FBXO42: variants seen among roughly 807,000 people sequenced by gnomAD.
FBXO42 encodes the protein F-box only protein 42.
FBXO42 carries 12 observed loss-of-function variants against 71.7 expected under a neutral mutation model. That is an observed-to-expected ratio of 0.17 (90% CI 0.11 to 0.27). FBXO42 has a LOEUF of 0.27. Ranked by LOEUF, FBXO42 falls within the 10% of genes least tolerant of loss-of-function variation. FBXO42 has a pLI of 1.00. For missense variants in FBXO42, 707 were observed against 911.9 expected, an observed-to-expected ratio of 0.78 and a Z score of 2.89; for synonymous variants, 325 against 327.5, an observed-to-expected ratio of 0.99 and a Z score of 0.08.
intron 1 of FBXO42, among the ~76,000 whole-genome samples, chr1:16,347,587 G>C (rs539936060): frequency 6.6e-6 from 1 of 152,254 alleles, no homozygotes; most frequent in Admixed American, 6.5e-5. Context: ...GGGCACTGTG[G>C]CTCACGCCTG....
rs1032335796 is a variant in FBXO42 at position 16,311,770 on chromosome 1, A to C, written c.250+3399T>G. 9.2e-5 allele frequency among the ~76,000 whole-genome samples: 14 copies of C among 152,080 alleles called. No individual in the cohort carries two copies. In the South Asian group the frequency reaches 1.0e-3, roughly 11 times the overall value. Reference sequence around the variant, plus strand: ...ACTCTCATTCACTGCTAGTGGGAGTACAAAATGGTTCAGCCACTTAAAACA... The same window carrying C: ...ACTCTCATTCACTGCTAGTGGGAGTCCAAAATGGTTCAGCCACTTAAAACA... On this transcript the variant is annotated intron_variant, in intron 2 of 9. Transcript: ENST00000375592.
intron 4 of FBXO42, among the ~76,000 whole-genome samples, chr1:16,290,418 A>T (rs772543744): frequency 1.6e-4 from 25 of 152,108 alleles, no homozygotes; most frequent in Non-Finnish European, 3.4e-4. Flanking sequence ...GAAGCTGGGC[A>T]CAGTGGCTCA....
At chr1:16,261,241 C>G (rs1405372129) in intron 4 of FBXO42, among the ~76,000 whole-genome samples, 3 of 152,176 alleles carry the variant, frequency 2.0e-5, no homozygotes. Context: ...CTGGGACACA[C>G]TCCACCTCTA....
chr1:16,350,076 T>C (rs1302544803), intron 1 of FBXO42, among the ~76,000 whole-genome samples: 1 of 152,124 alleles, frequency 6.6e-6, no homozygotes, highest in Non-Finnish European at 1.5e-5. Flanking sequence ...ATAAAGCTGT[T>C]ATTAAAGACC....
chr1:16,305,280 C>T (rs951704133), intron 3 of FBXO42, among the ~76,000 whole-genome samples: 7 of 151,996 alleles, frequency 4.6e-5, no homozygotes, highest in African/African-American at 1.7e-4. Flanking sequence ...CCCAGCTACT[C>T]GGGAGGCTGA....
chr1:16,319,722 C>T (rs1379395052), intron 1 of FBXO42, among the ~76,000 whole-genome samples: 1 of 151,826 alleles, frequency 6.6e-6, no homozygotes, highest in Non-Finnish European at 1.5e-5. Context: ...ACCAGCCTGG[C>T]CAATATGGTG....
chr1:16,308,740 GTTTTT>G, intron 2 of FBXO42, among the ~76,000 whole-genome samples: 1 of 80,636 alleles, frequency 1.2e-5, no homozygotes, highest in East Asian at 3.7e-4. Flanking sequence ...CCCCATCTCT[GTTTTT>G]TTTTTTTTTT....
chr1:16,289,077 A>C (rs2082052428), intron 4 of FBXO42, among the ~76,000 whole-genome samples: 1 of 151,818 alleles, frequency 6.6e-6, no homozygotes, highest in Admixed American at 6.6e-5. Flanking sequence ...CATTTCCTAA[A>C]TAGAAGCAAA....
chr1:16,297,282 G>A (rs867146048), intron 3 of FBXO42, among the ~76,000 whole-genome samples: 1 of 151,880 alleles, frequency 6.6e-6, no homozygotes, highest in African/African-American at 2.4e-5. Flanking sequence ...CAGCCCTCCT[G>A]TTAGACCCCT....
intron 1 of FBXO42, among the ~76,000 whole-genome samples, chr1:16,315,639 T>G (rs547497582): frequency 6.6e-6 from 1 of 152,258 alleles, no homozygotes; most frequent in Admixed American, 6.6e-5. Flanking sequence ...GGCTTTTGAT[T>G]ACATTTTTTC....
intron 4 of FBXO42, among the ~76,000 whole-genome samples, chr1:16,266,779 C>T (rs2100462497): frequency 6.6e-6 from 1 of 152,294 alleles, no homozygotes; most frequent in South Asian, 2.1e-4. Flanking sequence ...CTGACCTCAA[C>T]AGCAGGAGTT....
At chr1:16,253,940 A>T (rs886729442) in intron 6 of FBXO42, among the ~76,000 whole-genome samples, 1 of 152,230 alleles carries the variant, frequency 6.6e-6, no homozygotes, top group Non-Finnish European at 1.5e-5. Flanking sequence ...GCTGAATCCC[A>T]GCTCTGTAGC....
intron 1 of FBXO42, among the ~76,000 whole-genome samples, chr1:16,332,601 C>T (rs527263176): frequency 1.9e-4 from 29 of 149,622 alleles, no homozygotes; most frequent in Non-Finnish European, 3.4e-4. Context: ...AGTGCAGTGG[C>T]ACAACCTCAG....
chr1:16,322,145 A>G (rs1055570096), intron 1 of FBXO42, among the ~76,000 whole-genome samples: 2 of 152,196 alleles, frequency 1.3e-5, no homozygotes, highest in African/African-American at 4.8e-5. Context: ...TGTTGTCAAA[A>G]TATTTTATTG....
At position 16,251,738 on chromosome 1, in the gene FBXO42, G is replaced by C. The variant is rs748022743; in HGVS notation, c.1086C>G (p.Ala362=). The C allele has an allele frequency of 1.4e-5, 22 of 1,614,026 alleles. No homozygotes were observed. The highest frequency in any genetic ancestry group is 1.3e-4 in the African/African-American group (10 of 74,920). ...VVFSQAPSGR[A]PLSPSLNSRP... is the part of the protein sequence containing the mutation. ...GAGAGTTCAAACTGGGGCTGAGTGG[G>C]GCTCTCCCACTAGGAGCCTGGCTGA... The change falls in exon 10 of 10, where the codon GCC becomes GCG. Residue 362 remains alanine (A), a synonymous_variant. Transcript: ENST00000375592. The surrounding 1 kb of genome is among the most constrained non-coding windows in gnomAD (Gnocchi z 4.5).
At chr1:16,308,155 T>G (rs773915137) in intron 2 of FBXO42, among the ~76,000 whole-genome samples, 1 of 152,196 alleles carries the variant, frequency 6.6e-6, no homozygotes, top group Non-Finnish European at 1.5e-5. Flanking sequence ...CCATTCATTT[T>G]TTTTTAATAG....
chr1:16,305,781 T>C, intron 3 of FBXO42, 22 bp downstream of exon 3: 2 of 1,586,700 alleles, frequency 1.3e-6, no homozygotes, highest in South Asian at 2.2e-5. Context: ...GGGTGGAATC[T>C]GCTTTCACAG....
At chr1:16,292,743 A>C (rs1455992119) in intron 4 of FBXO42, 1 of 152,236 alleles carries the variant, frequency 6.6e-6, no homozygotes, top group Non-Finnish European at 1.5e-5. Flanking sequence ...CCCATGCTAA[A>C]TTATCAAAGG....
At chr1:16,286,036 A>G (rs1408676749) in intron 4 of FBXO42, among the ~76,000 whole-genome samples, 3 of 151,296 alleles carry the variant, frequency 2.0e-5, no homozygotes, top group Non-Finnish European at 2.9e-5. Flanking sequence ...ATAGGTTCAC[A>G]CCACGCCCAG....
Sources: allele counts gnomAD v4.1 joint callset (sites outside exome capture counted in the v4.1 genomes callset), GRCh38; gene constraint gnomAD v4.1.1; non-coding constraint Gnocchi (gnomAD v3.1); transcripts MANE v1.5; gene names NCBI Gene and HGNC (gene_info 2026-07-23, HGNC 2026-07-21).